Variants in MYO5B observed in about 807,000 individuals in gnomAD.
MYO5B encodes the protein unconventional myosin-Vb.
A neutral mutation model predicts 229.3 loss-of-function variants in MYO5B; 143 were observed. The observed-to-expected ratio is 0.62, with a 90% CI of 0.54 to 0.72. The LOEUF (loss-of-function observed/expected upper bound fraction) is 0.72. MYO5B is among the 30% of genes least tolerant of loss of function. The pLI, the probability that MYO5B is intolerant of heterozygous loss-of-function variation, is 0.00. For synonymous variants in MYO5B, 918 were observed against 885.2 expected, an observed-to-expected ratio of 1.04 and a Z score of -0.66; for missense variants, 2,321 against 2,331.0, an observed-to-expected ratio of 1.00 and a Z score of 0.09.
intron 39 of MYO5B, among the ~76,000 whole-genome samples, chr18:49,832,125 G>C (rs1212632874): frequency 6.6e-6 from 1 of 152,184 alleles, no homozygotes; most frequent in Admixed American, 6.5e-5. Context: ...TTTGGAAATA[G>C]TGGTGATGGT....
intron 1 of MYO5B, among the ~76,000 whole-genome samples, chr18:50,148,140 G>T: frequency 6.6e-6 from 1 of 151,162 alleles, no homozygotes; most frequent in South Asian, 2.1e-4. Flanking sequence ...CCAGGAAGAA[G>T]TTGAATCTCT....
At chr18:50,171,170 T>C (rs2032915310) in intron 1 of MYO5B, among the ~76,000 whole-genome samples, 1 of 128,150 alleles carries the variant, frequency 7.8e-6, no homozygotes, top group Non-Finnish European at 1.7e-5. Flanking sequence ...TGCTGGGCAC[T>C]TGGCACGATC....
intron 10 of MYO5B, among the ~76,000 whole-genome samples, chr18:49,965,455 T>TCTCACA (rs1555647768): frequency 2.0e-5 from 3 of 147,098 alleles, no homozygotes; most frequent in African/African-American, 5.1e-5. Flanking sequence ...ACACTTCTTT[T>TCTCACA]CACACACACA....
chr18:49,886,225 G>A (rs1332533699), intron 22 of MYO5B, among the ~76,000 whole-genome samples: 1 of 152,132 alleles, frequency 6.6e-6, no homozygotes, highest in Non-Finnish European at 1.5e-5. Flanking sequence ...ACAGATATGA[G>A]CCACCGGCAC....
chr18:49,901,025 A>G (rs1322719923), intron 21 of MYO5B, among the ~76,000 whole-genome samples: 1 of 152,196 alleles, frequency 6.6e-6, no homozygotes, highest in Non-Finnish European at 1.5e-5. Context: ...CCATTTCCTC[A>G]TATACAAAAT....
chr18:49,973,005 CCT>C (rs2025707289), intron 10 of MYO5B, among the ~76,000 whole-genome samples: 1 of 152,120 alleles, frequency 6.6e-6, no homozygotes, highest in Admixed American at 6.5e-5. Context: ...ATATTCTTCC[CCT>C]GTTCATATGA....
chr18:50,121,077 C>T (rs1432618535), intron 1 of MYO5B, among the ~76,000 whole-genome samples: 1 of 152,162 alleles, frequency 6.6e-6, no homozygotes, highest in Non-Finnish European at 1.5e-5. Context: ...GAGATGCTTT[C>T]CCTTCTCCTC....
chr18:50,043,532 T>C (rs1203058803), intron 2 of MYO5B, among the ~76,000 whole-genome samples: 2 of 108,296 alleles, frequency 1.8e-5, no homozygotes, highest in African/African-American at 7.3e-5. Context: ...TATAAATATA[T>C]TTTATATATA....
chr18:49,957,274 A>G (rs557425291), intron 12 of MYO5B, among the ~76,000 whole-genome samples: 2 of 150,200 alleles, frequency 1.3e-5, no homozygotes, highest in East Asian at 4.0e-4. Flanking sequence ...AGATGTTGCC[A>G]TCGCTGGCCT....
At chr18:49,881,311 G>T (rs1394612151) in intron 22 of MYO5B, among the ~76,000 whole-genome samples, 1 of 151,956 alleles carries the variant, frequency 6.6e-6, no homozygotes, top group Admixed American at 6.6e-5. Flanking sequence ...TGCTTTACCT[G>T]TCTTATTGGA....
chr18:50,171,572 T>C lies in MYO5B; in HGVS notation c.27+23195A>G, dbSNP rs1210675508. On this transcript the variant is annotated intron_variant, in intron 1 of 39. Coordinates refer to ENST00000285039, the MANE Select transcript of MYO5B (RefSeq NM_001080467.3). ...ATCATACAAGGCAATAATTAAATGA[T>C]AGATGATCAGTTACTATGCTCTGGA... Among the ~76,000 whole-genome samples the C allele has an allele frequency of 8.6e-5, 11 of 128,190 alleles. 3 individuals are homozygous for C. Among genetic ancestry groups the C allele is most frequent in the Non-Finnish European group, 1.8e-4 (11 of 59,958 alleles). 84.1% of individuals were successfully genotyped at this position (128,190 alleles called of 152,430 possible).
intron 16 of MYO5B, 85 bp from the exon 17 acceptor site, chr18:49,929,683 C>G: frequency 8.2e-7 from 1 of 1,224,570 alleles, no homozygotes; most frequent in Admixed American, 2.0e-5. Flanking sequence ...AGAATCTTTT[C>G]CTGCAGCATG....
chr18:50,128,469 G>A (rs1157172775), intron 1 of MYO5B, among the ~76,000 whole-genome samples: 1 of 152,166 alleles, frequency 6.6e-6, no homozygotes, highest in African/African-American at 2.4e-5. Flanking sequence ...GATCCCACAT[G>A]GATAAGCGTA....
chr18:50,061,958 T>C (rs1029415128), intron 1 of MYO5B, among the ~76,000 whole-genome samples: 2 of 152,204 alleles, frequency 1.3e-5, no homozygotes, highest in East Asian at 1.9e-4. Flanking sequence ...TCCTCTTTTA[T>C]ACAGGAGAAA....
intron 33 of MYO5B, among the ~76,000 whole-genome samples, chr18:49,845,746 G>T (rs490755): frequency 6.6e-6 from 1 of 151,948 alleles, no homozygotes; most frequent in African/African-American, 2.4e-5. Flanking sequence ...CTCTGCAGGG[G>T]GATGCTGGAC....
At chr18:50,163,624 C>T (rs1357864350) in intron 1 of MYO5B, among the ~76,000 whole-genome samples, 1 of 152,188 alleles carries the variant, frequency 6.6e-6, no homozygotes, top group Non-Finnish European at 1.5e-5. Flanking sequence ...CAGTGCATTC[C>T]TGATAGCGTC....
At chr18:49,991,649 G>T (rs1029247019) in intron 6 of MYO5B, among the ~76,000 whole-genome samples, 1 of 152,130 alleles carries the variant, frequency 6.6e-6, no homozygotes, top group Non-Finnish European at 1.5e-5. Context: ...ACAGGGAGGG[G>T]AACATCAAAC....
chr18:49,929,426 G>T, intron 17 of MYO5B, 86 bp downstream of exon 17: 2 of 1,078,996 alleles, frequency 1.9e-6, no homozygotes, highest in East Asian at 2.6e-5. Context: ...GTTTCTGGCC[G>T]ACGGTACACA....
chr18:50,053,658 G>A (rs1165475022), intron 2 of MYO5B, among the ~76,000 whole-genome samples: 1 of 146,462 alleles, frequency 6.8e-6, no homozygotes, highest in East Asian at 2.1e-4. Flanking sequence ...AGGAATGTGA[G>A]GGGTGCACAC....
Sources: gnomAD v4.1 joint callset for allele counts (sites outside exome capture counted in the v4.1 genomes callset) on GRCh38, gnomAD v4.1.1 for gene constraint, MANE v1.5 for transcripts, NCBI Gene and HGNC (gene_info 2026-07-23, HGNC 2026-07-21) for gene names.